The following IARS2 variants were observed in gnomAD, a reference collection of about 807,000 sequenced individuals.
The protein encoded by IARS2 is isoleucine--tRNA ligase, mitochondrial.
In IARS2, 56 loss-of-function variants were observed where a neutral mutation model predicts 126.3. The ratio of observed to expected loss-of-function variants is 0.44; its 90% CI spans 0.36 to 0.55. The LOEUF is 0.55. Ranked by LOEUF, IARS2 falls within the 20% of genes least tolerant of loss-of-function variation. The pLI, the probability that IARS2 is intolerant of heterozygous loss-of-function variation, is 0.00. For synonymous variants in IARS2, 407 were observed against 441.1 expected (o/e 0.92, Z 0.97); for missense variants, 1,127 against 1,245.9 (o/e 0.90, Z 1.44).
In IARS2 at chr1:220,105,967, T is replaced by C. The variant is rs1441757024; in HGVS notation, c.1143T>C (p.His381=). 2 of 1,614,134 alleles carry C rather than the reference T, an allele frequency of 1.2e-6. No homozygotes were observed. The highest frequency in any genetic ancestry group is 2.2e-5 in the South Asian group (2 of 91,082). ...DKASPLLPAN[H]VTMAKGTGLV... Reference sequence around the variant, plus strand: ...CCTCTCCTCTTTTACCTGCAAATCATGTGACCATGGCAAAAGGAACGGGAT... The same window carrying C: ...CCTCTCCTCTTTTACCTGCAAATCACGTGACCATGGCAAAAGGAACGGGAT... The change falls in exon 9 of 23, where the codon CAT becomes CAC. Residue 381 remains histidine (H), a synonymous_variant. Coordinates refer to ENST00000366922, the MANE Select transcript of IARS2 (RefSeq NM_018060.4).
intron 11 of IARS2, among the ~76,000 whole-genome samples, chr1:220,114,104 A>T (rs1380364321): frequency 1.3e-5 from 2 of 152,124 alleles, no homozygotes; most frequent in Admixed American, 1.3e-4. Flanking sequence ...TCCCGATATT[A>T]TTTATTAAGT....
intron 14 of IARS2, among the ~76,000 whole-genome samples, chr1:220,131,706 G>A (rs1358935936): frequency 1.3e-5 from 2 of 151,630 alleles, no homozygotes; most frequent in Non-Finnish European, 2.9e-5. Flanking sequence ...GGCTGGTCTC[G>A]AACTCCTGAC....
intron 8 of IARS2, among the ~76,000 whole-genome samples, chr1:220,103,820 G>T (rs1334781675): frequency 6.6e-6 from 1 of 152,072 alleles, no homozygotes; most frequent in Non-Finnish European, 1.5e-5. Flanking sequence ...AAAATTTTAT[G>T]CAAAATTAAT....
In IARS2 at chr1:220,141,784, A is replaced by C; in HGVS notation, c.2415-19A>C. The C allele has an allele frequency of 1.9e-6, 3 of 1,612,902 alleles. No individual in the cohort carries two copies. Among genetic ancestry groups the C allele is most frequent in the Non-Finnish European group, 2.5e-6 (3 of 1,179,438 alleles). On this transcript the variant is annotated intron_variant, in intron 19 of 22. Coordinates refer to ENST00000366922, the MANE Select transcript of IARS2 (RefSeq NM_018060.4). ...TGTATAAAGTATTGTCAACTGCTGAATAAGTTGTTCTTGTTCAGGCTCTAT... is the reference window on the plus strand; with the variant it reads ...TGTATAAAGTATTGTCAACTGCTGACTAAGTTGTTCTTGTTCAGGCTCTAT...
At position 220,102,150 on chromosome 1, in the gene IARS2, C is replaced by T. The variant is rs1221445040; in HGVS notation, c.572C>T (p.Ala191Val). Reference sequence around the variant, plus strand: ...TTAGCTAGATCATTTGCTAAAGCAGCCATTGAGAAACAGAAATCAGCATTT... The same window carrying T: ...TTAGCTAGATCATTTGCTAAAGCAGTCATTGAGAAACAGAAATCAGCATTT... ...RKKARSFAKA[A>V]IEKQKSAFIR... The change falls in exon 4 of 23, where the codon GCC becomes GTC. Residue 191 changes from alanine (A) to valine (V), a missense_variant. Transcript: ENST00000366922. 3.1e-6 allele frequency: 5 copies of T among 1,604,018 alleles called. No individual in the cohort carries two copies. In the East Asian group the frequency reaches 1.1e-4, roughly 36 times the overall value.
At position 220,134,459 on chromosome 1, in the gene IARS2, T is replaced by C; in HGVS notation, c.1895T>C (p.Phe632Ser). The change falls in exon 15 of 23, where the codon TTT becomes TCT. Residue 632 changes from phenylalanine to serine, a missense_variant. Transcript: ENST00000366922. ...LEGKDQLGGW[F>S]QSSLLTSVAA... is the part of the protein sequence containing the mutation. Reference sequence around the variant, plus strand: ...GGAAAAGACCAGCTCGGGGGTTGGTTTCAGTCATCCTTATTAACAAGTGTG... The same window carrying C: ...GGAAAAGACCAGCTCGGGGGTTGGTCTCAGTCATCCTTATTAACAAGTGTG... 1 of 1,613,654 alleles carries C rather than the reference T, an allele frequency of 6.2e-7. No individual in the cohort carries two copies. Among genetic ancestry groups the C allele is most frequent in the Non-Finnish European group, 8.5e-7 (1 of 1,179,814 alleles).
At chr1:220,143,425 T>C (rs1168011082) in intron 21 of IARS2, 2 of 224,576 alleles carry the variant, frequency 8.9e-6, no homozygotes, top group Non-Finnish European at 1.8e-5. Context: ...TTCTTTTGTT[T>C]CCTATTTCAC....
chr1:220,147,468 A>G, intron 22 of IARS2, 25 bp from the exon 23 acceptor site: 1 of 1,612,518 alleles, frequency 6.2e-7, no homozygotes. Flanking sequence ...CCTATCAGAA[A>G]TACTCTTCAT....
At chr1:220,101,700 CA>C (rs1297673772) in intron 3 of IARS2, among the ~76,000 whole-genome samples, 42 of 144,588 alleles carry the variant, frequency 2.9e-4, no homozygotes, top group East Asian at 4.0e-4. Flanking sequence ...GACTCCATCT[CA>C]AAAAAAAAAA....
intron 14 of IARS2, 98 bp downstream of exon 14, chr1:220,126,941 G>A (rs1657167770): frequency 1.2e-5 from 10 of 819,164 alleles, no homozygotes; most frequent in Admixed American, 5.3e-5. Flanking sequence ...TTCTGTGTGT[G>A]CTTTATTTAG....
rs774147135 is a variant in IARS2 at position 220,103,580 on chromosome 1, T to C, written c.1066+18T>C. On this transcript the variant is annotated intron_variant, in intron 8 of 22. Transcript: ENST00000366922. ...ACTTTCAGGTGAAGATTTTTAGATA[T>C]CTGACAACATAGTCATCAAAGTATT... 10 of 1,439,462 alleles carry C rather than the reference T, an allele frequency of 6.9e-6. No individual in the cohort carries two copies. In the East Asian group the frequency reaches 1.8e-4, roughly 26 times the overall value. The allele number at this position is 1,439,462 out of a possible 1,614,324, so 89.2% of individuals were successfully genotyped here.
intron 10 of IARS2, among the ~76,000 whole-genome samples, chr1:220,108,085 C>T (rs907944230): frequency 6.6e-6 from 1 of 151,320 alleles, no homozygotes; most frequent in South Asian, 2.1e-4. Flanking sequence ...TTTTGAGACA[C>T]AGTCTCACTC....
At chr1:220,137,314 T>A (rs1202715957) in intron 16 of IARS2, among the ~76,000 whole-genome samples, 1 of 152,210 alleles carries the variant, frequency 6.6e-6, no homozygotes, top group Non-Finnish European at 1.5e-5. Context: ...ATGGAAATGA[T>A]GAAAAATGAG....
In IARS2 at chr1:220,102,793, C is replaced by T. The variant is rs1488379251; in HGVS notation, c.950+16C>T. Reference sequence around the variant, plus strand: ...CTGAATCAAAGTGGGTATATTATTGCATTTTTTGTTTTATACACAAATAGA... The same window carrying T: ...CTGAATCAAAGTGGGTATATTATTGTATTTTTTGTTTTATACACAAATAGA... On this transcript the variant is annotated intron_variant, in intron 7 of 22. Transcript: ENST00000366922. The T allele has an allele frequency of 5.4e-6, 8 of 1,478,146 alleles. No homozygotes were observed. The highest frequency in any genetic ancestry group is 2.8e-5 in the African/African-American group (2 of 72,136). 91.6% of individuals were successfully genotyped at this position (1,478,146 alleles called of 1,614,324 possible).
chr1:220,115,270 A>G (rs1454752372), intron 12 of IARS2, among the ~76,000 whole-genome samples: 4 of 152,196 alleles, frequency 2.6e-5, no homozygotes, highest in Non-Finnish European at 4.4e-5. Context: ...TTTACATACT[A>G]TAAAATTCAT....
Position 220,125,222 on chromosome 1 carries a change from T to TC in IARS2, c.1641-9dup, listed in dbSNP as rs1425274409. ...TAGTTAATTGAATAATTCTGCCATG[T>TC]CCCCCCTGAAATAGCCAAACCACTG... On this transcript the variant is annotated splice_polypyrimidine_tract_variant and intron_variant, in intron 12 of 22. Coordinates refer to ENST00000366922, the MANE Select transcript of IARS2 (RefSeq NM_018060.4). The TC allele has an allele frequency of 3.2e-5, 48 of 1,485,782 alleles. No homozygotes were observed. The highest frequency in any genetic ancestry group is 4.2e-5 in the Non-Finnish European group (45 of 1,073,000). 92.0% of individuals were successfully genotyped at this position (1,485,782 alleles called of 1,614,324 possible). A position where few individuals can be genotyped will look rare whatever the true frequency, so the allele number is the denominator to read the frequency against.
chr1:220,097,777 A>G (rs1656477623), intron 2 of IARS2, among the ~76,000 whole-genome samples: 2 of 152,228 alleles, frequency 1.3e-5, no homozygotes, highest in East Asian at 1.9e-4. Context: ...TAATGGCTAC[A>G]GTGGATCACG....
At chr1:220,118,050 A>G in intron 12 of IARS2, 3 of 430,202 alleles carry the variant, frequency 7.0e-6, no homozygotes, top group Non-Finnish European at 1.4e-5. Flanking sequence ...ATCATTTGTT[A>G]ATTTTATAAA....
intron 13 of IARS2, 56 bp from the exon 14 acceptor site, chr1:220,126,694 T>A: frequency 1.6e-6 from 2 of 1,257,888 alleles, no homozygotes; most frequent in South Asian, 2.5e-5. Context: ...GTACAGTATT[T>A]GTTGTCTATA....
Sources: allele counts gnomAD v4.1 joint callset (sites outside exome capture counted in the v4.1 genomes callset), GRCh38; gene constraint gnomAD v4.1.1; transcripts MANE v1.5; gene names NCBI Gene and HGNC (gene_info 2026-07-23, HGNC 2026-07-21).